TLE1: variants seen among roughly 807,000 people sequenced by gnomAD.
TLE1 encodes the protein transducin-like enhancer protein 1.
In TLE1, 21 loss-of-function variants were observed where a neutral mutation model predicts 89.8. That is an observed-to-expected ratio of 0.23 (90% CI 0.17 to 0.34). TLE1 has a LOEUF of 0.34. Ranked by LOEUF, TLE1 falls within the 10% of genes least tolerant of loss-of-function variation. The probability of loss-of-function intolerance (pLI) is 1.00; values close to 1 mark genes in which losing one functional copy is unlikely to be tolerated. For missense variants in TLE1, 795 were observed against 1,031.2 expected (o/e 0.77, Z 3.14); for synonymous variants, 447 against 407.6 (o/e 1.10, Z -1.16).
chr9:81,586,474 T>C (rs957320901), intron 17 of TLE1, among the ~76,000 whole-genome samples: 3 of 152,222 alleles, frequency 2.0e-5, no homozygotes, highest in East Asian at 1.9e-4. Context: ...TACATCCAGA[T>C]ACATCTAAAC....
chr9:81,617,505 C>T (rs1276099021), intron 9 of TLE1, among the ~76,000 whole-genome samples: 2 of 151,810 alleles, frequency 1.3e-5, no homozygotes, highest in African/African-American at 4.8e-5. Flanking sequence ...AGTTCAAGAC[C>T]AGCCTGGCCA....
At chr9:81,609,572 T>G (rs1212608101) in intron 14 of TLE1, among the ~76,000 whole-genome samples, 2 of 152,228 alleles carry the variant, frequency 1.3e-5, no homozygotes, top group Non-Finnish European at 2.9e-5. Flanking sequence ...CAATTGAGTT[T>G]TTTTAAATTC....
chr9:81,586,232 T>C (rs1220506620), intron 17 of TLE1, among the ~76,000 whole-genome samples: 2 of 152,174 alleles, frequency 1.3e-5, no homozygotes, highest in Non-Finnish European at 2.9e-5. Flanking sequence ...CCAGCCAGGA[T>C]GGTCTCGATC....
intron 8 of TLE1, among the ~76,000 whole-genome samples, chr9:81,622,595 CTA>C (rs1408077821): frequency 6.6e-6 from 1 of 152,190 alleles, no homozygotes; most frequent in Non-Finnish European, 1.5e-5. Flanking sequence ...GCCTCTGCGT[CTA>C]TGTGTTCAAA....
At chr9:81,611,616 TG>T in intron 13 of TLE1, 152 bp downstream of exon 13, 1 of 348,192 alleles carries the variant, frequency 2.9e-6, no homozygotes, top group Non-Finnish European at 4.0e-6. Flanking sequence ...GGTGAGTGTG[TG>T]GCTGGGAGAC....
At chr9:81,653,850 C>T in intron 5 of TLE1, 124 bp downstream of exon 5, 1 of 836,882 alleles carries the variant, frequency 1.2e-6, no homozygotes, top group East Asian at 2.7e-5. Context: ...GGTTTACACA[C>T]TTCAGCTGTA....
intron 11 of TLE1, among the ~76,000 whole-genome samples, chr9:81,613,906 C>CTTTTTTT (rs761514885): frequency 2.2e-5 from 2 of 89,924 alleles, no homozygotes; most frequent in Non-Finnish European, 3.6e-5. Flanking sequence ...CTTTTCTTTT[C>CTTTTTTT]TTTTTTTTTT....
intron 8 of TLE1, among the ~76,000 whole-genome samples, chr9:81,630,139 A>G (rs935869646): frequency 6.6e-6 from 1 of 152,090 alleles, no homozygotes; most frequent in African/African-American, 2.4e-5. Context: ...ACAAGAAGAA[A>G]AAAAAAAACA....
intron 8 of TLE1, among the ~76,000 whole-genome samples, chr9:81,630,414 T>C (rs1373138832): frequency 1.3e-5 from 2 of 152,220 alleles, no homozygotes. Flanking sequence ...GGAAAAGTTA[T>C]TTTTCATTAA....
chr9:81,596,071 T>C (rs1830168462), intron 14 of TLE1, among the ~76,000 whole-genome samples: 1 of 152,148 alleles, frequency 6.6e-6, no homozygotes, highest in African/African-American at 2.4e-5. Context: ...TTCCTCCAAC[T>C]GGAAGCCTGC....
At position 81,585,542 on chromosome 9, in the gene TLE1, A is replaced by T; in HGVS notation, c.2091T>A (p.His697Gln). ...ATTTCAGGGACAGCACGCAGCTCTC[A>T]TGCAGGTGCAGCTGGTACTTGTCAG... ...NKPDKYQLHL[H>Q]ESCVLSLKFA... Residue 697 changes from histidine (H) to glutamine (Q), a missense_variant, in exon 18 of 20, where the codon CAT becomes CAA. By Grantham distance (24) the His-to-Gln change is conservative. Coordinates refer to ENST00000376499, the MANE Select transcript of TLE1 (RefSeq NM_005077.5). 1 of 1,613,810 alleles carries T rather than the reference A, an allele frequency of 6.2e-7. No individual in the cohort carries two copies. Among genetic ancestry groups the T allele is most frequent in the East Asian group, 2.2e-5 (1 of 44,882 alleles).
chr9:81,591,055 G>A lies in TLE1; in HGVS notation c.1582-3C>T, dbSNP rs1375084457. On this transcript the variant is annotated splice_region_variant and splice_polypyrimidine_tract_variant and intron_variant, in intron 15 of 19. Coordinates refer to ENST00000376499, the MANE Select transcript of TLE1 (RefSeq NM_005077.5). ...GAACGGATATAATTGTCTCTGTTCT[G>A]TAGAATAAACATAATTCATTGCTAT... 3 of 1,610,052 alleles carry A rather than the reference G, an allele frequency of 1.9e-6. No homozygotes were observed. Among genetic ancestry groups the A allele is most frequent in the African/African-American group, 2.7e-5 (2 of 74,874 alleles).
intron 14 of TLE1, among the ~76,000 whole-genome samples, chr9:81,599,611 AG>A (rs1830658359): frequency 6.6e-6 from 1 of 152,342 alleles, no homozygotes; most frequent in South Asian, 2.1e-4. Context: ...CTAAGACTTT[AG>A]AAGAAAGTAT....
intron 14 of TLE1, among the ~76,000 whole-genome samples, chr9:81,598,639 C>G (rs1243456099): frequency 6.6e-6 from 1 of 152,126 alleles, no homozygotes; most frequent in African/African-American, 2.4e-5. Flanking sequence ...GCATTCCTCT[C>G]TAAGCCCCTG....
At chr9:81,670,469 G>A (rs1832072957) in intron 4 of TLE1, among the ~76,000 whole-genome samples, 1 of 152,076 alleles carries the variant, frequency 6.6e-6, no homozygotes, top group Non-Finnish European at 1.5e-5. Flanking sequence ...GGGACTACAG[G>A]CGTGCGCCAC....
rs774229667 is a variant in TLE1, at chr9:81,616,099, C to T, written c.801G>A (p.Ser267=). The T allele has an allele frequency of 1.4e-5, 22 of 1,613,870 alleles. No homozygotes were observed. Among genetic ancestry groups the T allele is most frequent in the Admixed American group, 6.7e-5 (4 of 59,960 alleles). Residue 267 remains serine, a synonymous_variant, in exon 11 of 20, where the codon TCG becomes TCA. Transcript: ENST00000376499. ...TTTTGTCGATTCCATTTTCCCGGGGCGAGTGGGCAGGGCTTGCTCGCGGAG... is the reference window on the plus strand; with the variant it reads ...TTTTGTCGATTCCATTTTCCCGGGGTGAGTGGGCAGGGCTTGCTCGCGGAG... ...PSSPRASPAH[S]PRENGIDKNR...
At chr9:81,596,988 T>C (rs1468269778) in intron 14 of TLE1, among the ~76,000 whole-genome samples, 1 of 152,204 alleles carries the variant, frequency 6.6e-6, no homozygotes, top group African/African-American at 2.4e-5. Flanking sequence ...TCGTAACCAG[T>C]TAACACATTA....
intron 14 of TLE1, among the ~76,000 whole-genome samples, chr9:81,604,923 A>G (rs761522386): frequency 6.6e-6 from 1 of 152,076 alleles, no homozygotes. Context: ...ATGTCTCCCT[A>G]TCACCCACTG....
At chr9:81,627,162 G>A (rs1563990355) in intron 8 of TLE1, among the ~76,000 whole-genome samples, 1 of 152,030 alleles carries the variant, frequency 6.6e-6, no homozygotes, top group African/African-American at 2.4e-5. Flanking sequence ...CAAAGATGAG[G>A]ACACAGAGTT....
Sources: gnomAD v4.1 joint callset for allele counts (sites outside exome capture counted in the v4.1 genomes callset) on GRCh38, gnomAD v4.1.1 for gene constraint, MANE v1.5 for transcripts, NCBI Gene and HGNC (gene_info 2026-07-23, HGNC 2026-07-21) for gene names.